The following DHX57 variants were observed in gnomAD, a reference collection of about 807,000 sequenced individuals.
DHX57 encodes DExH-box helicase 57, also known as putative ATP-dependent RNA helicase DHX57.
In DHX57, 105 loss-of-function variants were observed where a neutral mutation model predicts 156.2. The ratio of observed to expected loss-of-function variants is 0.67; its 90% CI spans 0.57 to 0.79. The LOEUF is 0.79. DHX57 is among the 30% of genes least tolerant of loss of function. DHX57 has a pLI of 0.00. For synonymous variants in DHX57, 704 were observed against 595.6 expected (o/e 1.18, Z -2.65); for missense variants, 1,847 against 1,661.9 (o/e 1.11, Z -1.94).
chr2:38,873,505 C>G (rs1442911280), intron 1 of DHX57, among the ~76,000 whole-genome samples: 4 of 152,146 alleles, frequency 2.6e-5, no homozygotes, highest in Non-Finnish European at 4.4e-5. Flanking sequence ...TTTCTACTCC[C>G]AGAAAGCTCT....
intron 5 of DHX57, among the ~76,000 whole-genome samples, chr2:38,860,049 G>C (rs1184825163): frequency 6.6e-6 from 1 of 151,984 alleles, no homozygotes; most frequent in Non-Finnish European, 1.5e-5. Context: ...AAACTCCTGG[G>C]GTCAAGCAGT....
chr2:38,829,099 G>A lies in DHX57; in HGVS notation c.2543-663C>T, dbSNP rs535752940. 6.6e-5 allele frequency among the ~76,000 whole-genome samples: 10 copies of A among 151,742 alleles called. No individual in the cohort carries two copies. In the South Asian group the frequency reaches 1.7e-3, roughly 25 times the overall value. ...TGGGACTACAGGTACATGCCATCACGCCCGGCTAATTTTTTATATTTTTAG... is the reference window on the plus strand; with the variant it reads ...TGGGACTACAGGTACATGCCATCACACCCGGCTAATTTTTTATATTTTTAG... On this transcript the variant is annotated intron_variant, in intron 13 of 23. Transcript: ENST00000457308.
At chr2:38,799,589 A>G (rs1243882465) in intron 23 of DHX57, among the ~76,000 whole-genome samples, 2 of 150,368 alleles carry the variant, frequency 1.3e-5, no homozygotes, top group Non-Finnish European at 3.0e-5. Context: ...CATCTCTACT[A>G]AAAATACAAA....
Position 38,856,356 on chromosome 2 carries a change from T to A in DHX57, c.1693A>T (p.Ile565Leu), listed in dbSNP as rs373208023. ...CATTCTTACCCAGTCATACCACTTATGACAACCACCTGGTGCTTACGCAAT... is the reference window on the plus strand; with the variant it reads ...CATTCTTACCCAGTCATACCACTTAAGACAACCACCTGGTGCTTACGCAAT... ...NLLRKHQVVV[I>L]SGMTGCGKTT... Residue 565 changes from isoleucine (I) to leucine (L), a missense_variant, in exon 7 of 24, where the codon ATA becomes TTA. Coordinates refer to ENST00000457308, the MANE Select transcript of DHX57 (RefSeq NM_198963.3). 1 of 1,611,282 alleles carries A rather than the reference T, an allele frequency of 6.2e-7. No homozygotes were observed. Among genetic ancestry groups the A allele is most frequent in the South Asian group, 1.1e-5 (1 of 90,072 alleles).
rs1458378358 is a variant in DHX57 at position 38,868,408 on chromosome 2, T to G, written c.-3A>C. 1 of 1,612,258 alleles carries G rather than the reference T, an allele frequency of 6.2e-7. No homozygotes were observed. The highest frequency in any genetic ancestry group is 1.7e-5 in the Admixed American group (1 of 59,990). On this transcript the variant is annotated 5_prime_UTR_variant, in exon 2 of 24. Coordinates refer to ENST00000457308, the MANE Select transcript of DHX57 (RefSeq NM_198963.3). ...TTTCTTCTTACTGAAGAACTCATTT[T>G]CACCTGCAAGAGAAAAAAATTAATG...
chr2:38,858,886 A>C, intron 5 of DHX57, 50 bp from the exon 6 acceptor site: 10 of 1,548,386 alleles, frequency 6.5e-6, no homozygotes, highest in Non-Finnish European at 7.8e-6. Flanking sequence ...TTTCTTTAAC[A>C]AAAGGGGAAA....
chr2:38,866,357 T>G (rs1488380481), intron 2 of DHX57, among the ~76,000 whole-genome samples: 1 of 152,228 alleles, frequency 6.6e-6, no homozygotes, highest in African/African-American at 2.4e-5. Context: ...CATTCTTGCC[T>G]TAAGAAATTG....
intron 23 of DHX57, among the ~76,000 whole-genome samples, chr2:38,802,477 G>A (rs1178050263): frequency 1.6e-4 from 25 of 151,932 alleles, no homozygotes; most frequent in African/African-American, 5.6e-4. Flanking sequence ...TAGTAGAGAC[G>A]GGGTTTGACC....
intron 14 of DHX57, among the ~76,000 whole-genome samples, chr2:38,827,533 T>TATATAC (rs1222862055): frequency 8.3e-5 from 4 of 48,260 alleles, no homozygotes; most frequent in African/African-American, 2.7e-4. Context: ...TATATATATA[T>TATATAC]ACACACATAC....
intron 23 of DHX57, among the ~76,000 whole-genome samples, chr2:38,799,791 C>CA (rs947917159): frequency 2.7e-5 from 4 of 148,854 alleles, no homozygotes; most frequent in Non-Finnish European, 5.9e-5. Context: ...CTCAGTGGCT[C>CA]ACGCCTGTAA....
intron 21 of DHX57, among the ~76,000 whole-genome samples, chr2:38,807,507 G>A (rs1364600272): frequency 2.0e-5 from 3 of 151,640 alleles, no homozygotes; most frequent in Non-Finnish European, 4.4e-5. Flanking sequence ...ACAGGCGCCC[G>A]CCGCCACACC....
intron 6 of DHX57, among the ~76,000 whole-genome samples, chr2:38,857,483 T>C (rs1672960561): frequency 1.3e-5 from 2 of 152,338 alleles, no homozygotes; most frequent in Middle Eastern, 3.4e-3. Context: ...ACTGATCAAA[T>C]TGAATATCTA....
In DHX57 at chr2:38,811,284, C is replaced by T. The variant is rs149585819; in HGVS notation, c.3681+2537G>A. ...ATCTGGGGGGCCAGCGAGTAGCAGG[C>T]GAGCTCAAACCAGACCTGATCGTTC... On this transcript the variant is annotated intron_variant, in intron 21 of 23. Coordinates refer to ENST00000457308, the MANE Select transcript of DHX57 (RefSeq NM_198963.3). The T allele has an allele frequency of 1.2e-3, 642 of 517,228 alleles. 4 individuals are homozygous for T. The highest frequency in any genetic ancestry group is 0.011 in the African/African-American group (575 of 52,220). 32.0% of individuals were successfully genotyped at this position (517,228 alleles called of 1,614,324 possible). A position where few individuals can be genotyped will look rare whatever the true frequency, so the allele number is the denominator to read the frequency against.
intron 12 of DHX57, among the ~76,000 whole-genome samples, chr2:38,841,447 G>T (rs1671993397): frequency 6.6e-6 from 1 of 152,124 alleles, no homozygotes; most frequent in South Asian, 2.1e-4. Flanking sequence ...TCTCAATATT[G>T]CGAAGATGAA....
At chr2:38,839,681 A>G (rs866575416) in intron 12 of DHX57, among the ~76,000 whole-genome samples, 1 of 151,592 alleles carries the variant, frequency 6.6e-6, no homozygotes, top group Admixed American at 6.6e-5. Context: ...AGATCGCGCT[A>G]CTGCACTCCT....
intron 6 of DHX57, among the ~76,000 whole-genome samples, 173 bp downstream of exon 6, chr2:38,858,487 CA>C (rs1673016306): frequency 6.6e-6 from 1 of 152,178 alleles, no homozygotes; most frequent in Non-Finnish European, 1.5e-5. Flanking sequence ...TAGGATTTTC[CA>C]AAACCATCTA....
intron 21 of DHX57, chr2:38,811,635 A>G (rs1480149588): frequency 7.5e-7 from 1 of 1,341,414 alleles, no homozygotes; most frequent in African/African-American, 1.4e-5. Context: ...GGCCAGAACC[A>G]TGGAGCCTTT....
chr2:38,870,571 A>T (rs1347548100), intron 1 of DHX57, among the ~76,000 whole-genome samples: 1 of 152,210 alleles, frequency 6.6e-6, no homozygotes, highest in Non-Finnish European at 1.5e-5. Context: ...TGACATATAT[A>T]TTTAAAATAC....
intron 17 of DHX57, 134 bp downstream of exon 17, chr2:38,822,859 G>A (rs371933780): frequency 1.2e-4 from 102 of 867,222 alleles, no homozygotes; most frequent in Non-Finnish European, 1.6e-4. Context: ...CCATGCAGAT[G>A]TGCCCTAAAA....
Sources: gnomAD v4.1 joint callset for allele counts (sites outside exome capture counted in the v4.1 genomes callset) on GRCh38, gnomAD v4.1.1 for gene constraint, MANE v1.5 for transcripts, NCBI Gene and HGNC (gene_info 2026-07-23, HGNC 2026-07-21) for gene names.